PLXDC2: variants seen among roughly 807,000 people sequenced by gnomAD.
PLXDC2 encodes plexin domain containing 2.
PLXDC2 carries 40 observed loss-of-function variants against 68.9 expected under a neutral mutation model. The ratio of observed to expected loss-of-function variants is 0.58; its 90% CI spans 0.45 to 0.76. The LOEUF (loss-of-function observed/expected upper bound fraction) is 0.76, where lower values mean the gene tolerates loss of function less well. Among genes scored for constraint, PLXDC2 ranks in the 30% least tolerant of loss-of-function variants. The probability of loss-of-function intolerance (pLI) is 0.00; values close to 1 mark genes in which losing one functional copy is unlikely to be tolerated. For missense variants in PLXDC2, 644 were observed against 661.9 expected (o/e 0.97, Z 0.30); for synonymous variants, 243 against 234.2 (o/e 1.04, Z -0.34).
intron 1 of PLXDC2, among the ~76,000 whole-genome samples, chr10:19,935,878 G>A (rs961515573): frequency 3.3e-5 from 5 of 152,178 alleles, no homozygotes; most frequent in African/African-American, 1.2e-4. Flanking sequence ...GAAGAAAAGT[G>A]TGGGCCAGAA....
At chr10:19,919,038 C>G (rs916324144) in intron 1 of PLXDC2, among the ~76,000 whole-genome samples, 2 of 152,074 alleles carry the variant, frequency 1.3e-5, no homozygotes, top group Admixed American at 1.3e-4. Flanking sequence ...TTGTGAGAAG[C>G]GCAGTGTTGA....
chr10:19,832,028 TAA>T (rs1836702679), intron 1 of PLXDC2, among the ~76,000 whole-genome samples: 1 of 152,182 alleles, frequency 6.6e-6, no homozygotes, highest in South Asian at 2.1e-4. Context: ...CACCCAGAAA[TAA>T]GAGGCAAAAA....
intron 1 of PLXDC2, among the ~76,000 whole-genome samples, chr10:19,970,323 A>G (rs974388301): frequency 6.6e-6 from 1 of 152,178 alleles, no homozygotes; most frequent in Non-Finnish European, 1.5e-5. Context: ...CATCATCATA[A>G]TCAGGAGGCT....
In PLXDC2 at chr10:20,173,444, T is replaced by C. The variant is rs78452285; in HGVS notation, c.884-3555T>C. 5.1e-3 allele frequency among the ~76,000 whole-genome samples: 783 copies of C among 152,334 alleles called. 4 individuals are homozygous for C. The highest frequency in any genetic ancestry group is 5.9e-3 in the Non-Finnish European group (398 of 68,030). ...ATGCCTCAAGGTACTCATTAGTCTG[T>C]GTTCAGTTCAGCTAGAGTGGATATT... On this transcript the variant is annotated intron_variant, in intron 7 of 13. Transcript: ENST00000377252.
chr10:20,082,047 AAAAAAAAAAAAAAAATC>A (rs1836569897), intron 4 of PLXDC2, among the ~76,000 whole-genome samples: 1 of 140,734 alleles, frequency 7.1e-6, no homozygotes, highest in African/African-American at 2.7e-5. Context: ...CTCCATCTGA[AAAAAAAAAAAAAAAATC>A]AAAAAAAAAA....
At chr10:20,134,289 C>CTTG (rs1445873564) in intron 4 of PLXDC2, among the ~76,000 whole-genome samples, 2 of 152,110 alleles carry the variant, frequency 1.3e-5, no homozygotes, top group Non-Finnish European at 2.9e-5. Context: ...ATTTGTGAGC[C>CTTG]TTGTTACCTT....
At chr10:19,879,331 A>C (rs897150005) in intron 1 of PLXDC2, among the ~76,000 whole-genome samples, 6 of 152,274 alleles carry the variant, frequency 3.9e-5, no homozygotes, top group African/African-American at 1.4e-4. Context: ...GGCACATAGA[A>C]TGTACTCAGC....
At chr10:20,265,970 C>A (rs1278364086) in intron 13 of PLXDC2, among the ~76,000 whole-genome samples, 1 of 152,134 alleles carries the variant, frequency 6.6e-6, no homozygotes, top group African/African-American at 2.4e-5. Context: ...GAACTGGGAT[C>A]CACACATGGA....
intron 4 of PLXDC2, among the ~76,000 whole-genome samples, chr10:20,070,645 T>TA (rs1240258609): frequency 6.6e-6 from 1 of 152,164 alleles, no homozygotes; most frequent in Non-Finnish European, 1.5e-5. Flanking sequence ...ACTCATGTCA[T>TA]AAAATATAAT....
intron 1 of PLXDC2, among the ~76,000 whole-genome samples, chr10:19,925,101 C>T (rs1487892623): frequency 6.6e-6 from 1 of 152,174 alleles, no homozygotes; most frequent in East Asian, 1.9e-4. Flanking sequence ...ACAGTTAACC[C>T]ACTTAAGTTC....
intron 1 of PLXDC2, among the ~76,000 whole-genome samples, chr10:19,914,364 C>T (rs1303150684): frequency 6.6e-6 from 1 of 152,126 alleles, no homozygotes; most frequent in Non-Finnish European, 1.5e-5. Context: ...TATGCAATCA[C>T]TATATTCTGT....
intron 13 of PLXDC2, among the ~76,000 whole-genome samples, chr10:20,258,831 C>T (rs1835775334): frequency 1.3e-5 from 2 of 151,894 alleles, no homozygotes; most frequent in African/African-American, 2.4e-5. Flanking sequence ...CACGGTGAAA[C>T]CCCGTCTCTA....
intron 4 of PLXDC2, among the ~76,000 whole-genome samples, chr10:20,133,269 G>A (rs1833890760): frequency 6.6e-6 from 1 of 152,130 alleles, no homozygotes; most frequent in Admixed American, 6.5e-5. Flanking sequence ...GAATAGCTGA[G>A]TGTGATTGCA....
At chr10:19,876,932 A>C (rs16919492) in intron 1 of PLXDC2, among the ~76,000 whole-genome samples, 94 of 152,282 alleles carry the variant, frequency 6.2e-4, no homozygotes, top group African/African-American at 2.2e-3. Flanking sequence ...TCGTACAAAA[A>C]CGTATCTGAT....
chr10:19,820,404 G>T (rs1483359114), intron 1 of PLXDC2, among the ~76,000 whole-genome samples: 1 of 152,004 alleles, frequency 6.6e-6, no homozygotes, highest in Non-Finnish European at 1.5e-5. Flanking sequence ...GGCCGAGGCG[G>T]GTGGATCATG....
At chr10:19,912,056 A>G (rs1022154886) in intron 1 of PLXDC2, among the ~76,000 whole-genome samples, 2 of 152,090 alleles carry the variant, frequency 1.3e-5, no homozygotes, top group Non-Finnish European at 2.9e-5. Context: ...ATTTTTCTCA[A>G]ACTGATTCCA....
chr10:20,217,538 C>G lies in PLXDC2; in HGVS notation c.1235C>G (p.Ala412Gly). 1 of 1,605,924 alleles carries G rather than the reference C, an allele frequency of 6.2e-7. No homozygotes were observed. The highest frequency in any genetic ancestry group is 8.5e-7 in the Non-Finnish European group (1 of 1,176,616). ...QFRVLTTTRR[A>G]VTSQFPTSLP... ...AGGGTCCTAACTACCACCAGAAGAGCAGTGACTTCTCAGTTTCCCACCAGC... is the reference window on the plus strand; with the variant it reads ...AGGGTCCTAACTACCACCAGAAGAGGAGTGACTTCTCAGTTTCCCACCAGC... The change falls in exon 11 of 14, where the codon GCA (alanine) becomes GGA (glycine). Residue 412 changes from alanine to glycine, a missense_variant. Ala to Gly is a moderately conservative substitution (Grantham distance 60). This residue lies in a region of PLXDC2 where 330 missense variants were observed against 327.9 expected (regional missense o/e 1.01). Transcript: ENST00000377252.
intron 1 of PLXDC2, among the ~76,000 whole-genome samples, chr10:19,861,641 T>C (rs1837321494): frequency 6.6e-6 from 1 of 152,208 alleles, no homozygotes; most frequent in South Asian, 2.1e-4. Context: ...CATTCATGGT[T>C]CCCTTCTGAC....
chr10:20,023,536 T>G (rs1324688267), intron 2 of PLXDC2, among the ~76,000 whole-genome samples: 1 of 152,142 alleles, frequency 6.6e-6, no homozygotes, highest in South Asian at 2.1e-4. Flanking sequence ...TGAGTTCAGC[T>G]CCTTTCTCTT....
Sources: gnomAD v4.1 joint callset for allele counts (sites outside exome capture counted in the v4.1 genomes callset) on GRCh38, gnomAD v4.1.1 for gene constraint, gnomAD v4.1.1 regional missense constraint, MANE v1.5 for transcripts, NCBI Gene and HGNC (gene_info 2026-07-23, HGNC 2026-07-21) for gene names.